The following SHOX variants were observed in gnomAD, a reference collection of about 807,000 sequenced individuals.
The protein encoded by SHOX is SHOX homeobox, also known as short stature homeobox protein.
A neutral mutation model predicts 29.6 loss-of-function variants in SHOX; 12 were observed. That is an observed-to-expected ratio of 0.41 (90% CI 0.26 to 0.66). The LOEUF is 0.66. SHOX is among the 30% of genes least tolerant of loss of function. The pLI is 0.35. For synonymous variants in SHOX, 214 were observed against 200.6 expected (o/e 1.07, Z -0.57); for missense variants, 499 against 437.7 (o/e 1.14, Z -1.25).
upstream of SHOX, among the ~76,000 whole-genome samples, chrX:628,034 C>T (rs1291292529): frequency 7.4e-6 from 1 of 135,856 alleles, no homozygotes. Flanking sequence ...AGACCCTTCT[C>T]CGAATCTCCC....
At position 649,443 on chromosome X, in the gene SHOX, T is replaced by G. The variant is rs2053020399; in HGVS notation, c.*4807T>G. ...CCCGGAAGGCCCTCCAGAGACACGT[T>G]TGCGTGAACATTCAGCATGGAAACA... On this transcript the variant is annotated 3_prime_UTR_variant, in exon 5 of 5. Transcript: ENST00000686671. Among the ~76,000 whole-genome samples the G allele has an allele frequency of 1.3e-5, 2 of 152,126 alleles. No individual in the cohort carries two copies. Among genetic ancestry groups the G allele is most frequent in the Non-Finnish European group, 1.5e-5 (1 of 68,022 alleles).
upstream of SHOX, among the ~76,000 whole-genome samples, chrX:627,303 T>C (rs1254057222): frequency 6.6e-6 from 1 of 152,116 alleles, no homozygotes; most frequent in African/African-American, 2.4e-5. Flanking sequence ...TAGAAAAAGC[T>C]CTCGTCTGGA....
chrX:632,038 A>G, intron 1 of SHOX: 1 of 454,752 alleles, frequency 2.2e-6, no homozygotes, highest in Non-Finnish European at 4.4e-6. Flanking sequence ...CCTTTAAGGA[A>G]CCCTTCATTA....
upstream of SHOX, among the ~76,000 whole-genome samples, chrX:626,429 G>A (rs1415915264): frequency 1.6e-3 from 122 of 75,938 alleles, 3 homozygotes; most frequent in African/African-American, 6.2e-3. Flanking sequence ...CTCTGTCTTC[G>A]TTCCTCTCTC....
chrX:658,382 TA>T (rs2053176275), intron 5 of SHOX, among the ~76,000 whole-genome samples: 2 of 151,798 alleles, frequency 1.3e-5, no homozygotes, highest in South Asian at 2.1e-4. Flanking sequence ...TTTATAAAAA[TA>T]AGAAAAAGTC....
chrX:631,246 C>G, intron 1 of SHOX, 72 bp downstream of exon 1: 1 of 1,558,374 alleles, frequency 6.4e-7, no homozygotes, highest in Non-Finnish European at 8.8e-7. Context: ...CGGAGTCGGC[C>G]CCGCGCGCCC....
In SHOX at chrX:630,896, C is replaced by A. The variant is rs778428634; in HGVS notation, c.-2C>A. ...GGCTGCTCGCCAGCCCCGGCCCCAG[C>A]CATGGAAGAGCTCACGGCTTTTGTA... On this transcript the variant is annotated 5_prime_UTR_variant, in exon 1 of 5. Transcript: ENST00000686671. 1.9e-6 allele frequency: 3 copies of A among 1,612,996 alleles called. No individual in the cohort carries two copies. Among genetic ancestry groups the A allele is most frequent in the Admixed American group, 1.7e-5 (1 of 60,004 alleles).
chrX:634,475 G>A, intron 1 of SHOX, 143 bp from the exon 2 acceptor site: 1 of 836,738 alleles, frequency 1.2e-6, no homozygotes, highest in Non-Finnish European at 2.0e-6. Flanking sequence ...CTCGGCTTTT[G>A]CCTTATGGAC....
chrX:634,541 C>G (rs2052706782), intron 1 of SHOX, 77 bp from the exon 2 acceptor site: 10 of 1,498,016 alleles, frequency 6.7e-6, no homozygotes, highest in Admixed American at 1.8e-5. Context: ...CTTTCCACCG[C>G]GGGATGCACG....
At chrX:626,870 CTT>C (rs1238584732), upstream of SHOX, among the ~76,000 whole-genome samples, 11 of 150,756 alleles carry the variant, frequency 7.3e-5, no homozygotes, top group Admixed American at 3.3e-4. Flanking sequence ...CTCTGTCTCT[CTT>C]TGTCTCTCTC....
intron 5 of SHOX, among the ~76,000 whole-genome samples, chrX:656,616 C>T (rs1479601997): frequency 6.6e-6 from 1 of 152,132 alleles, no homozygotes; most frequent in Non-Finnish European, 1.5e-5. Context: ...CCGAGGCGGG[C>T]GGATCACGAG....
chrX:655,612 CTCTATATATATATATATATATATA>C (rs1188400036), downstream of SHOX, among the ~76,000 whole-genome samples: 89 of 15,698 alleles, frequency 5.7e-3, no homozygotes, highest in East Asian at 0.01. Context: ...CTCTCTCTCT[CTCTATATATATATATATATATATA>C]TATATATATA....
chrX:655,616 A>C (rs1377764643), downstream of SHOX, among the ~76,000 whole-genome samples: 81 of 24,156 alleles, frequency 3.4e-3, 1 homozygote, highest in African/African-American at 0.012. Context: ...CTCTCTCTCT[A>C]TATATATATA....
intron 2 of SHOX, 60 bp from the exon 3 acceptor site, chrX:640,761 C>A: frequency 6.3e-7 from 1 of 1,591,858 alleles, no homozygotes; most frequent in Non-Finnish European, 8.6e-7. Flanking sequence ...AAGGATGCTC[C>A]CTGGGGAGGC....
upstream of SHOX, among the ~76,000 whole-genome samples, chrX:626,407 G>C (rs2052535079): frequency 9.1e-6 from 1 of 109,968 alleles, no homozygotes; most frequent in African/African-American, 3.3e-5. Flanking sequence ...CTCTATCTCT[G>C]TCTCTCTTTC....
chrX:625,929 G>A (rs2052524591), upstream of SHOX, among the ~76,000 whole-genome samples: 1 of 100,426 alleles, frequency 1.0e-5, no homozygotes, highest in African/African-American at 3.8e-5. Flanking sequence ...CTCTATCTCT[G>A]TCTCTCTTTC....
chrX:631,364 G>A (rs939219292), intron 1 of SHOX, 190 bp downstream of exon 1: 2 of 308,178 alleles, frequency 6.5e-6, no homozygotes, highest in South Asian at 1.3e-4. Flanking sequence ...GGAGACGCGG[G>A]TGGTGGGTAG....
chrX:630,719 A>C (rs2052631310), upstream of SHOX: 5 of 749,388 alleles, frequency 6.7e-6, no homozygotes, highest in Non-Finnish European at 1.1e-5. Flanking sequence ...CAGTAATTGC[A>C]CCAGACAGGC....
At chrX:634,050 G>C (rs2052694524) in intron 1 of SHOX, among the ~76,000 whole-genome samples, 1 of 152,232 alleles carries the variant, frequency 6.6e-6, no homozygotes, top group African/African-American at 2.4e-5. Flanking sequence ...TCAGCCCCCA[G>C]GCGCGGTGGC....
Sources: allele counts gnomAD v4.1 joint callset (sites outside exome capture counted in the v4.1 genomes callset), GRCh38; gene constraint gnomAD v4.1.1; transcripts MANE v1.5; gene names NCBI Gene and HGNC (gene_info 2026-07-23, HGNC 2026-07-21).